Variants in SCN2B observed in about 807,000 individuals in gnomAD.
The protein encoded by SCN2B is sodium voltage-gated channel beta subunit 2, also known as sodium channel regulatory subunit beta-2.
A neutral mutation model predicts 18.2 loss-of-function variants in SCN2B; 14 were observed. That is an observed-to-expected ratio of 0.77 (90% CI 0.51 to 1.21). The LOEUF (loss-of-function observed/expected upper bound fraction) is 1.21, where lower values mean the gene tolerates loss of function less well. Among genes scored for constraint, SCN2B ranks in the 50% most tolerant of loss-of-function variants. The pLI is 0.00. For missense variants in SCN2B, 262 were observed against 286.9 expected (o/e 0.91, Z 0.63); for synonymous variants, 115 against 115.3 (o/e 1.00, Z 0.02).
In SCN2B at chr11:118,165,035, A is replaced by G. The variant is rs1416283111; in HGVS notation, c.*1852T>C. The G allele has an allele frequency of 6.5e-6, 1 of 152,764 alleles. No individual in the cohort carries two copies. The highest frequency in any genetic ancestry group is 1.5e-5 in the Non-Finnish European group (1 of 68,186). 9.5% of individuals were successfully genotyped at this position (152,764 alleles called of 1,614,324 possible). On this transcript the variant is annotated 3_prime_UTR_variant, in exon 4 of 4. Coordinates refer to ENST00000278947, the MANE Select transcript of SCN2B (RefSeq NM_004588.5). ...AGGCTGGGAAGTGCTGGGGCAGGGA[A>G]TGGGGCATTTGCCAGCAGCTGTGCC...
Position 118,163,515 on chromosome 11 carries a change from G to A in SCN2B, c.*3372C>T, listed in dbSNP as rs1390084700. Reference sequence around the variant, plus strand: ...AGAGTCCATAGCTAGGGGGCAGATAGCTATTTCCAAAGCCAGTTCCAAGGC... The same window carrying A: ...AGAGTCCATAGCTAGGGGGCAGATAACTATTTCCAAAGCCAGTTCCAAGGC... On this transcript the variant is annotated 3_prime_UTR_variant, in exon 4 of 4. Coordinates refer to ENST00000278947, the MANE Select transcript of SCN2B (RefSeq NM_004588.5). 2 of 152,658 alleles carry A rather than the reference G, an allele frequency of 1.3e-5. No individual in the cohort carries two copies. The highest frequency in any genetic ancestry group is 4.8e-5 in the African/African-American group (2 of 41,444). 9.5% of individuals were successfully genotyped at this position (152,658 alleles called of 1,614,324 possible). A position where few individuals can be genotyped will look rare whatever the true frequency, so the allele number is the denominator to read the frequency against.
Position 118,163,085 on chromosome 11 carries a change from T to G in SCN2B, c.*3802A>C, listed in dbSNP as rs1948345148. 6.6e-6 allele frequency: 1 copy of G among 152,632 alleles called. No individual in the cohort carries two copies. Among genetic ancestry groups the G allele is most frequent in the African/African-American group, 2.4e-5 (1 of 41,440 alleles). The allele number at this position is 152,632 out of a possible 1,614,324, so 9.5% of individuals were successfully genotyped here. On this transcript the variant is annotated 3_prime_UTR_variant, in exon 4 of 4. Transcript: ENST00000278947. ...ATCAACTCAAAACACTGAGAAGTTA[T>G]TACACCTCCCCACACACACACAGTG...
chr11:118,171,841 C>T (rs557826780), intron 1 of SCN2B, among the ~76,000 whole-genome samples: 3 of 152,222 alleles, frequency 2.0e-5, no homozygotes, highest in African/African-American at 4.8e-5. Flanking sequence ...TTCCATCCTG[C>T]GGAGCGAGCA....
chr11:118,174,303 G>A (rs1948453179), intron 1 of SCN2B, among the ~76,000 whole-genome samples: 1 of 151,658 alleles, frequency 6.6e-6, no homozygotes, highest in Admixed American at 6.6e-5. Flanking sequence ...CAGTGACTGT[G>A]GAGTCAACGG....
At chr11:118,170,668 G>A (rs2135519312) in intron 1 of SCN2B, among the ~76,000 whole-genome samples, 1 of 152,298 alleles carries the variant, frequency 6.6e-6, no homozygotes, top group East Asian at 1.9e-4. Context: ...CTAGACTTGG[G>A]TTCAATCCCA....
Position 118,167,015 on chromosome 11 carries a change from T to G in SCN2B, c.520A>C (p.Ile174Leu). 6.2e-7 allele frequency: 1 copy of G among 1,613,992 alleles called. No homozygotes were observed. The highest frequency in any genetic ancestry group is 8.5e-7 in the Non-Finnish European group (1 of 1,180,026). ...ASVGGFLAVV[I>L]LVLMVVKCVR... The stretch of plus-strand genomic sequence containing the variant: ...CACTTGACCACCATCAGCACCAAGA[T>G]GACCACAGCCAGGAAGCCCCCGACG... Residue 174 changes from isoleucine (I) to leucine (L), a missense_variant, in exon 4 of 4, where the codon ATC becomes CTC. Coordinates refer to ENST00000278947, the MANE Select transcript of SCN2B (RefSeq NM_004588.5).
chr11:118,168,827 G>T lies in SCN2B; in HGVS notation c.71-76C>A. 6.5e-7 allele frequency: 1 copy of T among 1,541,454 alleles called. No individual in the cohort carries two copies. The highest frequency in any genetic ancestry group is 9.0e-7 in the Non-Finnish European group (1 of 1,115,958). On this transcript the variant is annotated intron_variant, in intron 1 of 3. Transcript: ENST00000278947. This position sits in a 1 kb window ranked among gnomAD's most constrained non-coding sequence, Gnocchi z 4.7. ...AGGGGCAAGCCCTCTGTGCCTGGGAGTGTTGGGGGATGAGGCAGAGCAGAG... is the reference window on the plus strand; with the variant it reads ...AGGGGCAAGCCCTCTGTGCCTGGGATTGTTGGGGGATGAGGCAGAGCAGAG...
chr11:118,170,240 C>T (rs1460132791), intron 1 of SCN2B, among the ~76,000 whole-genome samples: 2 of 152,120 alleles, frequency 1.3e-5, no homozygotes, highest in African/African-American at 2.4e-5. Context: ...TAGAGACACT[C>T]GGCAAGGTAG....
chr11:118,169,467 C>G (rs1336438189), intron 1 of SCN2B, among the ~76,000 whole-genome samples: 1 of 152,196 alleles, frequency 6.6e-6, no homozygotes, highest in Non-Finnish European at 1.5e-5. Flanking sequence ...AGACTGAGAA[C>G]AGCTGGAGAT....
chr11:118,166,450 C>G lies in SCN2B; in HGVS notation c.*437G>C. The G allele has an allele frequency of 3.7e-6, 1 of 270,438 alleles. No homozygotes were observed. The highest frequency in any genetic ancestry group is 4.0e-5 in the South Asian group (1 of 24,754). The allele number at this position is 270,438 out of a possible 1,614,324, so 16.8% of individuals were successfully genotyped here. ...AGGGGAGGAGCACAGCCGTGCCAGG[C>G]CAAGGCCCTCCTGAGGGAGCGCTGT... On this transcript the variant is annotated 3_prime_UTR_variant, in exon 4 of 4. Coordinates refer to ENST00000278947, the MANE Select transcript of SCN2B (RefSeq NM_004588.5).
At position 118,176,487 on chromosome 11, in the gene SCN2B, G is replaced by T; in HGVS notation, c.-56C>A. ...CTACGGGAGAGGGTGATTTGAGGGG[G>T]CGAGAACTACAAGGGAGGAATGGTT... On this transcript the variant is annotated 5_prime_UTR_variant, in exon 1 of 4. Coordinates refer to ENST00000278947, the MANE Select transcript of SCN2B (RefSeq NM_004588.5). The T allele has an allele frequency of 7.6e-7, 1 of 1,314,256 alleles. No individual in the cohort carries two copies. The highest frequency in any genetic ancestry group is 1.1e-6 in the Non-Finnish European group (1 of 906,756). The allele number at this position is 1,314,256 out of a possible 1,614,324, so 81.4% of individuals were successfully genotyped here.
At chr11:118,173,327 T>C (rs1227586716) in intron 1 of SCN2B, among the ~76,000 whole-genome samples, 1 of 152,226 alleles carries the variant, frequency 6.6e-6, no homozygotes, top group African/African-American at 2.4e-5. Context: ...TGCTTCAGGT[T>C]GAGAAGCTCA....
At chr11:118,167,131 GC>G in intron 3 of SCN2B, 45 bp from the exon 4 acceptor site, 1 of 1,584,758 alleles carries the variant, frequency 6.3e-7, no homozygotes, top group South Asian at 1.1e-5. Flanking sequence ...TGGGAAAGGG[GC>G]CTCCCCCATC....
rs1443478452 is a variant in SCN2B, at chr11:118,163,328, T to G, written c.*3559A>C. 1 of 152,462 alleles carries G rather than the reference T, an allele frequency of 6.6e-6. No individual in the cohort carries two copies. Among genetic ancestry groups the G allele is most frequent in the African/African-American group, 2.4e-5 (1 of 41,452 alleles). The allele number at this position is 152,462 out of a possible 1,614,324, so 9.4% of individuals were successfully genotyped here. A position where few individuals can be genotyped will look rare whatever the true frequency, so the allele number is the denominator to read the frequency against. The stretch of plus-strand genomic sequence containing the variant: ...CGTTAACTGCACCAAGCCATTCCTA[T>G]GGCCTGGAACTATCCTTTTGGACCT... On this transcript the variant is annotated 3_prime_UTR_variant, in exon 4 of 4. Coordinates refer to ENST00000278947, the MANE Select transcript of SCN2B (RefSeq NM_004588.5).
intron 1 of SCN2B, among the ~76,000 whole-genome samples, chr11:118,173,871 A>G (rs1216884508): frequency 2.0e-5 from 3 of 152,018 alleles, no homozygotes; most frequent in Admixed American, 2.0e-4. Context: ...CAAGCAGCAG[A>G]TATGTGCAGT....
In SCN2B at chr11:118,168,680, G is replaced by A; in HGVS notation, c.142C>T (p.Leu48=). 2 of 1,614,258 alleles carry A rather than the reference G, an allele frequency of 1.2e-6. No homozygotes were observed. The highest frequency in any genetic ancestry group is 1.7e-6 in the Non-Finnish European group (2 of 1,180,046). Residue 48 remains leucine (L), a synonymous_variant, in exon 2 of 4, where the codon CTG becomes TTG. Coordinates refer to ENST00000278947, the MANE Select transcript of SCN2B (RefSeq NM_004588.5). The surrounding 1 kb of genome is among the most constrained non-coding windows in gnomAD (Gnocchi z 4.7). ...TAGCAGGAGTTGAAGGTGCAGGGCA[G>A]GCGGGCGTCAGAGCCATTGAGGACG... ...LNVLNGSDAR[L]PCTFNSCYTV...
chr11:118,169,016 C>T (rs1179259513), intron 1 of SCN2B, among the ~76,000 whole-genome samples: 2 of 152,120 alleles, frequency 1.3e-5, no homozygotes, highest in African/African-American at 4.8e-5. Flanking sequence ...TCACCTCAGC[C>T]TCCCAAGTAG....
At chr11:118,167,936 G>A in intron 3 of SCN2B, 149 bp downstream of exon 3, 1 of 712,480 alleles carries the variant, frequency 1.4e-6, no homozygotes, top group Non-Finnish European at 2.6e-6. Flanking sequence ...GAGGACTAGA[G>A]GGAAGAAAAT....
chr11:118,171,021 A>G (rs576259362), intron 1 of SCN2B, among the ~76,000 whole-genome samples: 2 of 152,100 alleles, frequency 1.3e-5, no homozygotes, highest in Admixed American at 6.5e-5. Context: ...CAGGGAAATC[A>G]ACATCTGCCT....
Sources: gnomAD v4.1 joint callset for allele counts (sites outside exome capture counted in the v4.1 genomes callset) on GRCh38, gnomAD v4.1.1 for gene constraint, Gnocchi (gnomAD v3.1) non-coding constraint, MANE v1.5 for transcripts, NCBI Gene and HGNC (gene_info 2026-07-23, HGNC 2026-07-21) for gene names.